Variants in UGP2 observed in about 807,000 individuals in gnomAD.
UGP2 encodes UDP-glucose pyrophosphorylase 2.
In UGP2, 40 loss-of-function variants were observed where a neutral mutation model predicts 49.0. The ratio of observed to expected loss-of-function variants is 0.82; its 90% CI spans 0.63 to 1.06. UGP2 has a LOEUF of 1.06. UGP2 is among the 50% of genes least tolerant of loss of function. The pLI is 0.00. For synonymous variants in UGP2, 225 were observed against 213.0 expected (o/e 1.06, Z -0.49); for missense variants, 460 against 603.5 (o/e 0.76, Z 2.49).
intron 3 of UGP2, among the ~76,000 whole-genome samples, chr2:63,869,144 G>A (rs922904276): frequency 6.6e-6 from 1 of 152,038 alleles, no homozygotes; most frequent in Admixed American, 6.6e-5. Context: ...TAAAAAATAT[G>A]TAACGTGATT....
chr2:63,874,257 A>G (rs1355523180), intron 3 of UGP2, among the ~76,000 whole-genome samples: 2 of 152,194 alleles, frequency 1.3e-5, no homozygotes, highest in African/African-American at 4.8e-5. Context: ...TGATGCAATA[A>G]GGAGGGAAAC....
intron 1 of UGP2, among the ~76,000 whole-genome samples, chr2:63,849,679 T>A (rs1019862839): frequency 6.6e-6 from 1 of 152,190 alleles, no homozygotes; most frequent in African/African-American, 2.4e-5. Context: ...GGCAAACACC[T>A]GGAGGTGGTA....
At chr2:63,842,286 G>A (rs1217232258) in intron 1 of UGP2, 82 bp downstream of exon 1, 1 of 1,608,156 alleles carries the variant, frequency 6.2e-7, no homozygotes, top group Non-Finnish European at 8.5e-7. Flanking sequence ...GGGTGGTTTG[G>A]AAGTGGAAAT....
chr2:63,841,831 A>C (rs965002207), upstream of UGP2: 6 of 207,282 alleles, frequency 2.9e-5, no homozygotes, highest in African/African-American at 1.2e-4. Flanking sequence ...GGGGCGGTGA[A>C]ATAGCCGCTG....
intron 9 of UGP2, 29 bp from the exon 10 acceptor site, chr2:63,891,091 T>C (rs767846853): frequency 6.9e-6 from 11 of 1,585,868 alleles, no homozygotes; most frequent in Non-Finnish European, 9.5e-6. Flanking sequence ...CAGTTGCAAG[T>C]ACACTCTTTT....
chr2:63,865,201 G>T (rs1670100387), intron 3 of UGP2, among the ~76,000 whole-genome samples: 1 of 152,104 alleles, frequency 6.6e-6, no homozygotes, highest in Non-Finnish European at 1.5e-5. Context: ...TCCCCTCAAA[G>T]AACTTAAAAT....
intron 5 of UGP2, among the ~76,000 whole-genome samples, chr2:63,884,720 T>C (rs1671541188): frequency 6.6e-6 from 1 of 152,044 alleles, no homozygotes; most frequent in African/African-American, 2.4e-5. Flanking sequence ...GAGACCAGCC[T>C]GGGCAACATA....
At chr2:63,887,258 CCTT>C (rs1483513633) in intron 7 of UGP2, 141 bp from the exon 8 acceptor site, 41 of 1,104,802 alleles carry the variant, frequency 3.7e-5, no homozygotes, top group South Asian at 1.3e-4. Context: ...GATCAAGACT[CCTT>C]CTCAAAAAAA....
chr2:63,858,376 A>G (rs10207257), intron 3 of UGP2, among the ~76,000 whole-genome samples: 4,367 of 152,266 alleles, frequency 0.029, 224 homozygotes, highest in African/African-American at 0.1. Flanking sequence ...TATACTATTT[A>G]TCATAGCTTA....
chr2:63,891,148 G>A lies in UGP2; in HGVS notation c.1448G>A (p.Gly483Asp). The change falls in exon 10 of 10, where the codon GGT becomes GAT. Residue 483 changes from glycine (G) to aspartate (D), a missense_variant. Gly to Asp is a moderately conservative substitution (Grantham distance 94). This residue lies in a region of UGP2 where 317 missense variants were observed against 473.0 expected (regional missense o/e 0.67). Coordinates refer to ENST00000337130, the MANE Select transcript of UGP2 (RefSeq NM_006759.4). Reference protein sequence around the residue: ...KGTVIIIANHGDRIDIPPGAV... With the variant: ...KGTVIIIANHDDRIDIPPGAV... Reference sequence around the variant, plus strand: ...ACGGTTATCATCATTGCAAATCATGGTGACAGAATTGATATCCCACCTGGA... The same window carrying A: ...ACGGTTATCATCATTGCAAATCATGATGACAGAATTGATATCCCACCTGGA... The A allele has an allele frequency of 6.2e-7, 1 of 1,613,424 alleles. No homozygotes were observed. Among genetic ancestry groups the A allele is most frequent in the Non-Finnish European group, 8.5e-7 (1 of 1,179,680 alleles).
Position 63,844,897 on chromosome 2 carries a change from G to C in UGP2, c.19+2693G>C, listed in dbSNP as rs551524624. 3.9e-5 allele frequency among the ~76,000 whole-genome samples: 6 copies of C among 152,294 alleles called. 1 individual carries two copies. The highest frequency in any genetic ancestry group is 1.4e-4 in the African/African-American group (6 of 41,546). On this transcript the variant is annotated intron_variant, in intron 1 of 9. Coordinates refer to ENST00000337130, the MANE Select transcript of UGP2 (RefSeq NM_006759.4). ...TTACATGAGTGTGTCTAAAACCCTAGTCCTTCCCGACATCTTTTGTTGCTT... is the reference window on the plus strand; with the variant it reads ...TTACATGAGTGTGTCTAAAACCCTACTCCTTCCCGACATCTTTTGTTGCTT...
At chr2:63,887,900 C>T (rs1279577294) in intron 8 of UGP2, 1 of 444,446 alleles carries the variant, frequency 2.2e-6, no homozygotes, top group African/African-American at 2.0e-5. Flanking sequence ...CTTCCAAGAC[C>T]AGTACTGCTT....
At position 63,856,474 on chromosome 2, in the gene UGP2, C is replaced by G. The variant is rs758596735; in HGVS notation, c.147+41C>G. ...CAGTGTTCCACCCCCCCGCCCCTCCCTTCATCTGTCTTCATGCTGAGTTGC... is the reference window on the plus strand; with the variant it reads ...CAGTGTTCCACCCCCCCGCCCCTCCGTTCATCTGTCTTCATGCTGAGTTGC... On this transcript the variant is annotated intron_variant, in intron 2 of 9. Transcript: ENST00000337130. 1.9e-6 allele frequency: 3 copies of G among 1,574,708 alleles called. No individual in the cohort carries two copies. The South Asian group carries it at 3.5e-5, about 18-fold the overall frequency.
chr2:63,882,728 G>A, intron 4 of UGP2, 77 bp downstream of exon 4: 1 of 1,378,116 alleles, frequency 7.3e-7, no homozygotes, highest in Non-Finnish European at 9.6e-7. Flanking sequence ...GTTATAAAAT[G>A]TAGCAGATGT....
At chr2:63,844,987 A>G (rs1472745956) in intron 1 of UGP2, among the ~76,000 whole-genome samples, 1 of 152,218 alleles carries the variant, frequency 6.6e-6, no homozygotes, top group Non-Finnish European at 1.5e-5. Context: ...CATTGGGCAA[A>G]GATAATATTA....
chr2:63,855,383 G>A (rs749591144), intron 1 of UGP2: 2 of 477,220 alleles, frequency 4.2e-6, no homozygotes, highest in Non-Finnish European at 8.3e-6. Context: ...GGATAGAAGG[G>A]GAAGGGTGGA....
chr2:63,882,405 A>C (rs1038835574), intron 3 of UGP2, 61 bp from the exon 4 acceptor site: 11 of 1,346,870 alleles, frequency 8.2e-6, no homozygotes, highest in Non-Finnish European at 9.8e-6. Flanking sequence ...CCTGGGATTG[A>C]TATGCTTTAA....
intron 3 of UGP2, among the ~76,000 whole-genome samples, chr2:63,876,271 C>T (rs1008730377): frequency 2.0e-5 from 3 of 152,066 alleles, no homozygotes; most frequent in Non-Finnish European, 4.4e-5. Context: ...GCTGTGCTTA[C>T]CACCAAATTT....
chr2:63,861,628 C>T (rs1156331944), intron 3 of UGP2, among the ~76,000 whole-genome samples: 1 of 139,620 alleles, frequency 7.2e-6, no homozygotes, highest in East Asian at 2.1e-4. Flanking sequence ...TTTGAGGCTA[C>T]AGTAAGCTAT....
Sources: allele counts gnomAD v4.1 joint callset (sites outside exome capture counted in the v4.1 genomes callset), GRCh38; gene constraint gnomAD v4.1.1; regional missense constraint gnomAD v4.1.1; transcripts MANE v1.5; gene names NCBI Gene and HGNC (gene_info 2026-07-23, HGNC 2026-07-21).